IFT57: variants seen among roughly 807,000 people sequenced by gnomAD.
IFT57 encodes intraflagellar transport 57.
In IFT57, 59 loss-of-function variants were observed where a neutral mutation model predicts 56.8. The ratio of observed to expected loss-of-function variants is 1.04; its 90% CI spans 0.84 to 1.29. The LOEUF (loss-of-function observed/expected upper bound fraction) is 1.29, where lower values mean the gene tolerates loss of function less well. Among genes scored for constraint, IFT57 ranks in the 50% most tolerant of loss-of-function variants. The pLI is 0.00. For missense variants in IFT57, 470 were observed against 522.1 expected, an observed-to-expected ratio of 0.90 and a Z score of 0.97; for synonymous variants, 209 against 186.1, an observed-to-expected ratio of 1.12 and a Z score of -1.00.
chr3:108,203,030 A>G (rs1476227591), intron 5 of IFT57, among the ~76,000 whole-genome samples: 1 of 152,220 alleles, frequency 6.6e-6, no homozygotes, highest in Non-Finnish European at 1.5e-5. Context: ...AAGATGGGTC[A>G]CCAGGACCTC....
At chr3:108,190,053 G>C (rs1017039042) in intron 6 of IFT57, among the ~76,000 whole-genome samples, 20 of 152,110 alleles carry the variant, frequency 1.3e-4, no homozygotes, top group African/African-American at 4.1e-4. Context: ...AGGTGGAAGA[G>C]GACGCAGAAC....
At chr3:108,188,889 A>G (rs888673751) in intron 6 of IFT57, among the ~76,000 whole-genome samples, 9 of 152,330 alleles carry the variant, frequency 5.9e-5, no homozygotes, top group Non-Finnish European at 1.2e-4. Flanking sequence ...TCCCTATTAG[A>G]CTTTAAATGA....
intron 6 of IFT57, among the ~76,000 whole-genome samples, chr3:108,177,593 G>C (rs1253539641): frequency 6.6e-6 from 1 of 151,398 alleles, no homozygotes; most frequent in Non-Finnish European, 1.5e-5. Context: ...AAGGTGGGGG[G>C]ACAGGAGACA....
At chr3:108,204,892 T>C (rs2080300908) in intron 5 of IFT57, among the ~76,000 whole-genome samples, 1 of 152,190 alleles carries the variant, frequency 6.6e-6, no homozygotes, top group African/African-American at 2.4e-5. Context: ...GGAGATAACA[T>C]CTACCCAAAT....
At chr3:108,164,129 G>A (rs2080048329) in intron 9 of IFT57, among the ~76,000 whole-genome samples, 1 of 151,572 alleles carries the variant, frequency 6.6e-6, no homozygotes, top group Non-Finnish European at 1.5e-5. Flanking sequence ...AGCTTTTCTG[G>A]GTATCTTTCT....
At chr3:108,194,790 T>G (rs1465593681) in intron 5 of IFT57, among the ~76,000 whole-genome samples, 1 of 152,132 alleles carries the variant, frequency 6.6e-6, no homozygotes, top group East Asian at 1.9e-4. Flanking sequence ...TATTCATATG[T>G]AGAAGAATGA....
At chr3:108,166,544 T>C (rs1424740472) in intron 8 of IFT57, among the ~76,000 whole-genome samples, 4 of 152,088 alleles carry the variant, frequency 2.6e-5, no homozygotes, top group African/African-American at 7.2e-5. Context: ...AACAGACTTA[T>C]AGAAGCAAAA....
chr3:108,184,785 T>C (rs749303985), intron 6 of IFT57, among the ~76,000 whole-genome samples: 3 of 152,194 alleles, frequency 2.0e-5, no homozygotes, highest in Non-Finnish European at 4.4e-5. Flanking sequence ...TTAGTCTCTA[T>C]AGTAAATTGT....
intron 6 of IFT57, among the ~76,000 whole-genome samples, chr3:108,174,194 G>T (rs77605817): frequency 0.057 from 8,691 of 151,418 alleles, 379 homozygotes; most frequent in East Asian, 0.24. Context: ...TCTTGAAAGG[G>T]GTTTAATATA....
Position 108,176,139 on chromosome 3 carries a change from A to G in IFT57, c.778-8275T>C, listed in dbSNP as rs191405487. Reference sequence around the variant, plus strand: ...TGGTAATTACAATTCCATTATAATTACCGGTGAAACCTTAATTCAATGTTC... The same window carrying G: ...TGGTAATTACAATTCCATTATAATTGCCGGTGAAACCTTAATTCAATGTTC... On this transcript the variant is annotated intron_variant, in intron 6 of 10. Transcript: ENST00000264538. Among the ~76,000 whole-genome samples the G allele has an allele frequency of 1.1e-3, 167 of 152,030 alleles. 1 individual carries two copies. The highest frequency in any genetic ancestry group is 4.0e-3 in the African/African-American group (165 of 41,500).
At chr3:108,194,871 T>C (rs534253248) in intron 5 of IFT57, among the ~76,000 whole-genome samples, 3 of 152,018 alleles carry the variant, frequency 2.0e-5, no homozygotes, top group South Asian at 2.1e-4. Context: ...ATCTATGACA[T>C]GAAAACACTG....
rs573833140 is a variant in IFT57 at position 108,169,335 on chromosome 3, G to T, written c.778-1471C>A. Among the ~76,000 whole-genome samples the T allele has an allele frequency of 7.9e-4, 117 of 148,522 alleles. 1 individual carries two copies. Among genetic ancestry groups the T allele is most frequent in the South Asian group, 1.3e-3 (6 of 4,686 alleles). On this transcript the variant is annotated intron_variant, in intron 6 of 10. Coordinates refer to ENST00000264538, the MANE Select transcript of IFT57 (RefSeq NM_018010.4). ...ATATCCTTTGCCCACTTTTTGATGG[G>T]TTTTTTTTTTCTTGTAATTTGTCTA...
At chr3:108,207,303 A>T (rs913100123) in intron 4 of IFT57, among the ~76,000 whole-genome samples, 1 of 152,174 alleles carries the variant, frequency 6.6e-6, no homozygotes, top group African/African-American at 2.4e-5. Context: ...TTGGATGTAG[A>T]GGGCAGGGGT....
intron 5 of IFT57, among the ~76,000 whole-genome samples, chr3:108,191,937 C>G (rs1440078481): frequency 6.6e-6 from 1 of 151,990 alleles, no homozygotes; most frequent in Non-Finnish European, 1.5e-5. Context: ...ATCAAATGGA[C>G]CAACAAGCCA....
chr3:108,219,389 A>G lies in IFT57; in HGVS notation c.375+21T>C. On this transcript the variant is annotated intron_variant, in intron 2 of 10. Transcript: ENST00000264538. Reference sequence around the variant, plus strand: ...ATTCATAACTTGAGAACAAGGAAAAAGAAGGGTCGTTTACACTTACAAATG... The same window carrying G: ...ATTCATAACTTGAGAACAAGGAAAAGGAAGGGTCGTTTACACTTACAAATG... The G allele has an allele frequency of 1.3e-6, 2 of 1,596,622 alleles. 1 individual carries two copies. Among genetic ancestry groups the G allele is most frequent in the Non-Finnish European group, 1.7e-6 (2 of 1,164,790 alleles).
In IFT57 at chr3:108,166,850, T is replaced by C; in HGVS notation, c.981+4A>G. ...TAAATCCTTGGAAATCATTCTTAAATTACCTCACTCAGCTGGGCTTGAGCT... is the reference window on the plus strand; with the variant it reads ...TAAATCCTTGGAAATCATTCTTAAACTACCTCACTCAGCTGGGCTTGAGCT... On this transcript the variant is annotated splice_donor_region_variant and intron_variant, in intron 8 of 10. Transcript: ENST00000264538. 5.6e-6 allele frequency: 9 copies of C among 1,606,682 alleles called. No homozygotes were observed. Among genetic ancestry groups the C allele is most frequent in the Non-Finnish European group, 4.3e-6 (5 of 1,176,468 alleles).
At chr3:108,221,468 TA>T (rs543986500) in intron 1 of IFT57, among the ~76,000 whole-genome samples, 26 of 152,332 alleles carry the variant, frequency 1.7e-4, no homozygotes, top group African/African-American at 6.3e-4. Flanking sequence ...GGTTCTATGA[TA>T]GGGGGACAAT....
chr3:108,204,942 T>C, intron 5 of IFT57, among the ~76,000 whole-genome samples: 1 of 152,210 alleles, frequency 6.6e-6, no homozygotes, highest in East Asian at 1.9e-4. Context: ...TTAAAGTACT[T>C]GAAAACTACA....
At chr3:108,213,009 C>T (rs576934547) in intron 4 of IFT57, among the ~76,000 whole-genome samples, 15 of 152,284 alleles carry the variant, frequency 9.9e-5, no homozygotes, top group Middle Eastern at 6.8e-3. Flanking sequence ...AGGGAAGATA[C>T]TTTTATGATT....
Sources: gnomAD v4.1 joint callset for allele counts (sites outside exome capture counted in the v4.1 genomes callset) on GRCh38, gnomAD v4.1.1 for gene constraint, MANE v1.5 for transcripts, NCBI Gene and HGNC (gene_info 2026-07-23, HGNC 2026-07-21) for gene names.